The following XYLT1 variants were observed in gnomAD, a reference collection of about 807,000 sequenced individuals.
The protein encoded by XYLT1 is beta-D-xylosyltransferase 1.
XYLT1 carries 36 observed loss-of-function variants against 91.3 expected under a neutral mutation model. That is an observed-to-expected ratio of 0.39 (90% CI 0.30 to 0.52). The LOEUF is 0.52. Ranked by LOEUF, XYLT1 falls within the 20% of genes least tolerant of loss-of-function variation. XYLT1 has a pLI of 0.68. For missense variants in XYLT1, 1,242 were observed against 1,284.5 expected, an observed-to-expected ratio of 0.97 and a Z score of 0.51; for synonymous variants, 588 against 532.0, an observed-to-expected ratio of 1.11 and a Z score of -1.45.
intron 1 of XYLT1, among the ~76,000 whole-genome samples, chr16:17,448,134 A>C (rs945921225): frequency 6.6e-6 from 1 of 152,242 alleles, no homozygotes; most frequent in Non-Finnish European, 1.5e-5. Flanking sequence ...CTGGGAGGCC[A>C]AGGCGGGTGG....
intron 2 of XYLT1, among the ~76,000 whole-genome samples, chr16:17,275,032 C>A (rs1032925233): frequency 2.0e-5 from 3 of 152,076 alleles, no homozygotes; most frequent in African/African-American, 7.2e-5. Flanking sequence ...CAAAAATTAG[C>A]TGGGCGTGGT....
chr16:17,332,528 C>T (rs1026426906), intron 2 of XYLT1, among the ~76,000 whole-genome samples: 1 of 151,668 alleles, frequency 6.6e-6, no homozygotes, highest in African/African-American at 2.4e-5. Context: ...TGCCACTGCG[C>T]TCCAGCCTGG....
intron 1 of XYLT1, among the ~76,000 whole-genome samples, chr16:17,376,369 C>G (rs1383731339): frequency 1.3e-5 from 2 of 152,220 alleles, no homozygotes; most frequent in Non-Finnish European, 2.9e-5. Flanking sequence ...GTAGGCCAAC[C>G]ACAGCCAGCC....
At chr16:17,241,197 C>T (rs545600859) in intron 3 of XYLT1, among the ~76,000 whole-genome samples, 6 of 152,356 alleles carry the variant, frequency 3.9e-5, no homozygotes, top group Non-Finnish European at 7.3e-5. Context: ...TTTTAAATTA[C>T]AGTTAAATTC....
Position 17,190,869 on chromosome 16 carries a change from A to G in XYLT1, c.1289+7343T>C, listed in dbSNP as rs75417749. On this transcript the variant is annotated intron_variant, in intron 5 of 11. Coordinates refer to ENST00000261381, the MANE Select transcript of XYLT1 (RefSeq NM_022166.4). ...TTCACCTCAGTTTCAAAAAAAAAGGATCATGATTCTACAGTTTACTGGCTG... is the reference window on the plus strand; with the variant it reads ...TTCACCTCAGTTTCAAAAAAAAAGGGTCATGATTCTACAGTTTACTGGCTG... Among the ~76,000 whole-genome samples the G allele has an allele frequency of 9.3e-3, 1,419 of 152,270 alleles. 30 individuals are homozygous for G. The highest frequency in any genetic ancestry group is 0.032 in the African/African-American group (1,345 of 41,540).
At chr16:17,329,936 T>G (rs1264002912) in intron 2 of XYLT1, among the ~76,000 whole-genome samples, 1 of 152,196 alleles carries the variant, frequency 6.6e-6, no homozygotes, top group Non-Finnish European at 1.5e-5. Context: ...CTCAAAATGT[T>G]GAGCGTCTAA....
At chr16:17,230,447 CCA>C (rs2033141106) in intron 3 of XYLT1, among the ~76,000 whole-genome samples, 1 of 152,150 alleles carries the variant, frequency 6.6e-6, no homozygotes, top group African/African-American at 2.4e-5. Flanking sequence ...CTGATATTGG[CCA>C]CTCTAAGCCT....
intron 1 of XYLT1, among the ~76,000 whole-genome samples, chr16:17,401,453 T>C (rs2035968083): frequency 6.6e-6 from 1 of 152,178 alleles, no homozygotes; most frequent in Admixed American, 6.5e-5. Flanking sequence ...CAGGGCAACT[T>C]TGAGCTTACC....
chr16:17,280,037 C>A (rs898466845), intron 2 of XYLT1, among the ~76,000 whole-genome samples: 1 of 152,174 alleles, frequency 6.6e-6, no homozygotes, highest in Admixed American at 6.5e-5. Flanking sequence ...CAACATCCTG[C>A]CCATGGTCAG....
chr16:17,116,751 CA>C (rs1331224781), intron 11 of XYLT1, among the ~76,000 whole-genome samples: 1 of 152,238 alleles, frequency 6.6e-6, no homozygotes, highest in Non-Finnish European at 1.5e-5. Flanking sequence ...CTTAGCACTT[CA>C]CCCTCCCACT....
intron 1 of XYLT1, among the ~76,000 whole-genome samples, chr16:17,419,195 A>AG (rs1410010155): frequency 6.6e-6 from 1 of 151,600 alleles, no homozygotes; most frequent in Non-Finnish European, 1.5e-5. Flanking sequence ...TAGTTCGTGA[A>AG]GCCATCCATG....
chr16:17,432,028 T>A (rs2036398547), intron 1 of XYLT1, among the ~76,000 whole-genome samples: 1 of 152,182 alleles, frequency 6.6e-6, no homozygotes, highest in Non-Finnish European at 1.5e-5. Context: ...ATGGTTGTAT[T>A]TCACACACAG....
intron 3 of XYLT1, among the ~76,000 whole-genome samples, chr16:17,254,447 T>G (rs2033596815): frequency 6.6e-6 from 1 of 152,180 alleles, no homozygotes; most frequent in Admixed American, 6.5e-5. Context: ...TAGGCTGGAG[T>G]GCAATGGCAC....
chr16:17,187,671 G>A (rs1022739626), intron 5 of XYLT1, among the ~76,000 whole-genome samples: 1 of 150,776 alleles, frequency 6.6e-6, no homozygotes, highest in African/African-American at 2.4e-5. Context: ...TTGGGATGGA[G>A]TTTTGGTCTT....
chr16:17,122,008 CTGA>C (rs1248431958), intron 10 of XYLT1, among the ~76,000 whole-genome samples: 2 of 152,038 alleles, frequency 1.3e-5, no homozygotes, highest in Non-Finnish European at 2.9e-5. Flanking sequence ...AATTTATTCA[CTGA>C]TTGATGGGCT....
In XYLT1 at chr16:17,197,953, C is replaced by T. The variant is rs79108391; in HGVS notation, c.1289+259G>A. ...GAGAACCCTAATATAAAGCTCCACG[C>T]GGGTTGGAGTTTCCGTCTGTTTAGT... On this transcript the variant is annotated intron_variant, in intron 5 of 11. Coordinates refer to ENST00000261381, the MANE Select transcript of XYLT1 (RefSeq NM_022166.4). The T allele has an allele frequency of 2.2e-3, 1,173 of 540,306 alleles. 8 individuals are homozygous for T. Among genetic ancestry groups the T allele is most frequent in the African/African-American group, 0.019 (982 of 52,834 alleles). The allele number at this position is 540,306 out of a possible 1,614,324, so 33.5% of individuals were successfully genotyped here.
chr16:17,286,961 C>G (rs754958705), intron 2 of XYLT1, among the ~76,000 whole-genome samples: 1 of 152,092 alleles, frequency 6.6e-6, no homozygotes, highest in Non-Finnish European at 1.5e-5. Flanking sequence ...ACCACCCAGC[C>G]AAGGCCACGA....
chr16:17,192,290 G>A (rs1376324080), intron 5 of XYLT1, among the ~76,000 whole-genome samples: 3 of 151,792 alleles, frequency 2.0e-5, no homozygotes, highest in Admixed American at 1.3e-4. Context: ...GTAGAGATGG[G>A]GTTTTACCAT....
intron 5 of XYLT1, among the ~76,000 whole-genome samples, chr16:17,173,026 G>C (rs1305089935): frequency 6.8e-6 from 1 of 146,318 alleles, no homozygotes; most frequent in Non-Finnish European, 1.5e-5. Flanking sequence ...GACTGATACA[G>C]TGCTTTACTA....
Sources: allele counts gnomAD v4.1 joint callset (sites outside exome capture counted in the v4.1 genomes callset), GRCh38; gene constraint gnomAD v4.1.1; transcripts MANE v1.5; gene names NCBI Gene and HGNC (gene_info 2026-07-23, HGNC 2026-07-21).